SLCO1A2: variants seen among roughly 807,000 people sequenced by gnomAD.
SLCO1A2 encodes solute carrier organic anion transporter family member 1A2, also known as OATP-1.
SLCO1A2 carries 67 observed loss-of-function variants against 69.0 expected under a neutral mutation model. That is an observed-to-expected ratio of 0.97 (90% confidence interval 0.80 to 1.19). SLCO1A2 has a LOEUF of 1.19. SLCO1A2 is among the 50% of genes most tolerant of loss of function. SLCO1A2 has a pLI of 0.00. For synonymous variants in SLCO1A2, 260 were observed against 265.9 expected (o/e 0.98, Z 0.22); for missense variants, 787 against 793.7 (o/e 0.99, Z 0.10).
intron 2 of SLCO1A2, among the ~76,000 whole-genome samples, chr12:21,353,118 A>C (rs2137018464): frequency 6.6e-6 from 1 of 152,078 alleles, no homozygotes; most frequent in South Asian, 2.1e-4. Flanking sequence ...ACTGCTTAAA[A>C]CCCCTATTAT....
intron 12 of SLCO1A2, among the ~76,000 whole-genome samples, chr12:21,277,800 G>T (rs1436100321): frequency 2.0e-5 from 3 of 152,152 alleles, no homozygotes; most frequent in Admixed American, 2.0e-4. Flanking sequence ...CAGCTGATCT[G>T]ACAGGAGGCA....
At chr12:21,318,644 C>T (rs1342624999) in intron 3 of SLCO1A2, 138 bp downstream of exon 3, 23 of 610,502 alleles carry the variant, frequency 3.8e-5, no homozygotes, top group Non-Finnish European at 2.4e-5. Context: ...CTAAGCTTAG[C>T]TAATCAGTTA....
intron 1 of SLCO1A2, chr12:21,378,122 C>G: frequency 1.1e-6 from 1 of 929,774 alleles, no homozygotes; most frequent in Non-Finnish European, 1.7e-6. Flanking sequence ...CACTGAGTTA[C>G]TTATGTGAAA....
At chr12:21,329,480 A>G (rs1449189359) in intron 2 of SLCO1A2, among the ~76,000 whole-genome samples, 1 of 149,774 alleles carries the variant, frequency 6.7e-6, no homozygotes, top group Non-Finnish European at 1.5e-5. Context: ...GATAACAATA[A>G]CCAAGGGATT....
chr12:21,363,586 C>T (rs1419426919), intron 2 of SLCO1A2, among the ~76,000 whole-genome samples: 1 of 152,024 alleles, frequency 6.6e-6, no homozygotes. Context: ...AAAAACCCTT[C>T]AAAAAATAAA....
rs186182097 is a variant in SLCO1A2 at position 21,412,250 on chromosome 12, G to A, written c.-312+5632C>T. On this transcript the variant is annotated intron_variant, in intron 1 of 4. Transcript: ENST00000413682. The stretch of plus-strand genomic sequence containing the variant: ...ACAAAAATTAGCTGGGCATGGTGGC[G>A]GGCGCCTGTAGTCCCTGCTACTTGG... 4.0e-4 allele frequency among the ~76,000 whole-genome samples: 61 copies of A among 152,002 alleles called. No individual in the cohort carries two copies. In the East Asian group the frequency reaches 6.3e-3, roughly 16 times the overall value.
At chr12:21,371,801 G>A (rs1274265866) in intron 2 of SLCO1A2, among the ~76,000 whole-genome samples, 3 of 152,128 alleles carry the variant, frequency 2.0e-5, no homozygotes, top group South Asian at 2.1e-4. Flanking sequence ...TTGGGAGTTC[G>A]AGACCAGCCT....
intron 2 of SLCO1A2, among the ~76,000 whole-genome samples, chr12:21,368,128 C>T (rs74065057): frequency 3.9e-4 from 59 of 152,190 alleles, no homozygotes; most frequent in African/African-American, 1.3e-3. Flanking sequence ...TCATTTTTAA[C>T]CTCATAAAAG....
At chr12:21,382,788 C>T (rs1940667531) in intron 1 of SLCO1A2, among the ~76,000 whole-genome samples, 1 of 127,162 alleles carries the variant, frequency 7.9e-6, no homozygotes, top group Admixed American at 8.2e-5. Context: ...GAAGAAACTC[C>T]GTCTCAAAAA....
chr12:21,331,832 A>C (rs1299122690), intron 2 of SLCO1A2, among the ~76,000 whole-genome samples: 1 of 152,168 alleles, frequency 6.6e-6, no homozygotes, highest in African/African-American at 2.4e-5. Context: ...AAACTAAAAA[A>C]TAGGAGTTGT....
intron 11 of SLCO1A2, among the ~76,000 whole-genome samples, chr12:21,293,351 A>G (rs947013438): frequency 6.6e-6 from 1 of 152,110 alleles, no homozygotes; most frequent in African/African-American, 2.4e-5. Context: ...AAGAATTGTC[A>G]ACCTTTTTTG....
In SLCO1A2 at chr12:21,274,333, T is replaced by C. The variant is rs920260188; in HGVS notation, c.1793+136A>G. 9.4e-6 allele frequency: 5 copies of C among 534,586 alleles called. No homozygotes were observed. In the African/African-American group the frequency reaches 9.4e-5, roughly 10 times the overall value. The allele number at this position is 534,586 out of a possible 1,614,324, so 33.1% of individuals were successfully genotyped here. Reference sequence around the variant, plus strand: ...AGTATGCAAATAAGGAATGGAGATATAACATCAGTATCTCTGCTGGAAATA... The same window carrying C: ...AGTATGCAAATAAGGAATGGAGATACAACATCAGTATCTCTGCTGGAAATA... On this transcript the variant is annotated intron_variant, in intron 14 of 14. Coordinates refer to ENST00000683939, the MANE Select transcript of SLCO1A2 (RefSeq NM_001386879.1).
At chr12:21,327,941 TAA>T (rs1437018047) in intron 2 of SLCO1A2, among the ~76,000 whole-genome samples, 14 of 152,168 alleles carry the variant, frequency 9.2e-5, no homozygotes, top group Admixed American at 9.2e-4. Flanking sequence ...ATCTCATCTT[TAA>T]TTGTAGCTCC....
At chr12:21,314,798 G>T in intron 3 of SLCO1A2, 117 bp from the exon 4 acceptor site, 1 of 776,104 alleles carries the variant, frequency 1.3e-6, no homozygotes, top group Non-Finnish European at 2.1e-6. Flanking sequence ...TAAATACTTG[G>T]ATTTGTGCTA....
chr12:21,275,576 T>C, intron 12 of SLCO1A2, 152 bp from the exon 13 acceptor site: 3 of 788,422 alleles, frequency 3.8e-6, no homozygotes, highest in Non-Finnish European at 5.4e-6. Context: ...GGCTTTATTA[T>C]CCAGCTGGCA....
intron 8 of SLCO1A2, among the ~76,000 whole-genome samples, chr12:21,298,722 G>T (rs538327097): frequency 6.6e-6 from 1 of 152,126 alleles, no homozygotes; most frequent in African/African-American, 2.4e-5. Flanking sequence ...TCTATGTCTT[G>T]CAACAAGCTA....
At chr12:21,346,192 GT>G (rs2136996211) in intron 2 of SLCO1A2, among the ~76,000 whole-genome samples, 1 of 152,246 alleles carries the variant, frequency 6.6e-6, no homozygotes, top group African/African-American at 2.4e-5. Context: ...AATAACGTAT[GT>G]TTAAGAGAAG....
At chr12:21,298,843 A>T (rs1948147918) in intron 8 of SLCO1A2, among the ~76,000 whole-genome samples, 1 of 152,174 alleles carries the variant, frequency 6.6e-6, no homozygotes, top group African/African-American at 2.4e-5. Context: ...TGATTCTGAG[A>T]ATTTGCAAGA....
chr12:21,277,816 C>T (rs766444923), intron 12 of SLCO1A2, among the ~76,000 whole-genome samples: 3 of 152,158 alleles, frequency 2.0e-5, no homozygotes, highest in Non-Finnish European at 4.4e-5. Context: ...AGGCAGAACT[C>T]AGGGGGTAAT....
Sources: gnomAD v4.1 joint callset for allele counts (sites outside exome capture counted in the v4.1 genomes callset) on GRCh38, gnomAD v4.1.1 for gene constraint, MANE v1.5 for transcripts, NCBI Gene and HGNC (gene_info 2026-07-23, HGNC 2026-07-21) for gene names.